Variants in DLGAP3 observed in about 807,000 individuals in gnomAD.
The protein encoded by DLGAP3 is disks large-associated protein 3.
DLGAP3 carries 17 observed loss-of-function variants against 81.2 expected under a neutral mutation model. That is an observed-to-expected ratio of 0.21 (90% CI 0.14 to 0.31). The LOEUF is 0.31. Among genes scored for constraint, DLGAP3 ranks in the 10% least tolerant of loss-of-function variants. The probability of loss-of-function intolerance (pLI) is 1.00; values close to 1 mark genes in which losing one functional copy is unlikely to be tolerated. For missense variants in DLGAP3, 1,124 were observed against 1,388.0 expected (o/e 0.81, Z 3.02); for synonymous variants, 577 against 587.4 (o/e 0.98, Z 0.26).
At chr1:34,875,175 T>C (rs1346746894) in intron 8 of DLGAP3, among the ~76,000 whole-genome samples, 4 of 152,150 alleles carry the variant, frequency 2.6e-5, no homozygotes, top group Admixed American at 2.6e-4. Context: ...GAAGCTTCTT[T>C]CCCAGGCCTC....
intron 5 of DLGAP3, among the ~76,000 whole-genome samples, chr1:34,887,570 G>T (rs937012886): frequency 2.6e-5 from 4 of 152,154 alleles, no homozygotes; most frequent in African/African-American, 7.2e-5. Flanking sequence ...GGCAGGAAAA[G>T]GTGCTACCCG....
intron 1 of DLGAP3, among the ~76,000 whole-genome samples, chr1:34,911,661 C>T (rs1306665276): frequency 6.6e-6 from 1 of 152,138 alleles, no homozygotes; most frequent in African/African-American, 2.4e-5. Flanking sequence ...GATGCCGTCA[C>T]CAAGAAATTA....
intron 1 of DLGAP3, among the ~76,000 whole-genome samples, chr1:34,924,041 C>T (rs1207055158): frequency 6.6e-6 from 1 of 152,142 alleles, no homozygotes; most frequent in African/African-American, 2.4e-5. Flanking sequence ...TGTTCCCCTA[C>T]AGACTCATCT....
chr1:34,899,598 A>G, intron 5 of DLGAP3, 71 bp downstream of exon 5: 1 of 1,341,712 alleles, frequency 7.5e-7, no homozygotes, highest in South Asian at 1.2e-5. Context: ...TCTGATTTTA[A>G]GTCCTAAGCT....
chr1:34,916,918 C>G (rs1450173108), intron 1 of DLGAP3, among the ~76,000 whole-genome samples: 1 of 152,124 alleles, frequency 6.6e-6, no homozygotes, highest in East Asian at 1.9e-4. Context: ...TGGATGGTCT[C>G]GGTCTCCCTG....
intron 1 of DLGAP3, among the ~76,000 whole-genome samples, chr1:34,928,347 T>A (rs1557512531): frequency 1.3e-5 from 2 of 151,996 alleles, no homozygotes. Context: ...ATTATTGAGA[T>A]GACACAAGTT....
intron 8 of DLGAP3, among the ~76,000 whole-genome samples, chr1:34,875,651 G>C (rs2148396184): frequency 6.6e-6 from 1 of 152,324 alleles, no homozygotes; most frequent in East Asian, 1.9e-4. Flanking sequence ...TATGACTTCA[G>C]AGGGCCCCTT....
chr1:34,884,082 C>A (rs1569613892), intron 8 of DLGAP3, among the ~76,000 whole-genome samples: 1 of 152,022 alleles, frequency 6.6e-6, no homozygotes, highest in African/African-American at 2.4e-5. Context: ...CCATGCTCAG[C>A]TAATTTTTGT....
intron 1 of DLGAP3, among the ~76,000 whole-genome samples, chr1:34,928,815 C>A (rs1639911942): frequency 6.6e-6 from 1 of 152,032 alleles, no homozygotes; most frequent in African/African-American, 2.4e-5. Flanking sequence ...CATCCATTCA[C>A]ACACTCACAG....
chr1:34,872,613 A>G (rs754280563), intron 8 of DLGAP3, among the ~76,000 whole-genome samples: 1 of 152,242 alleles, frequency 6.6e-6, no homozygotes, highest in East Asian at 1.9e-4. Context: ...AGTTAAGGAT[A>G]CTAAGAAGAG....
chr1:34,904,955 T>C lies in DLGAP3; in HGVS notation c.429A>G (p.Arg143=), dbSNP rs751733477. The C allele has an allele frequency of 6.2e-7, 1 of 1,613,092 alleles. No homozygotes were observed. Among genetic ancestry groups the C allele is most frequent in the South Asian group, 1.1e-5 (1 of 91,046 alleles). Residue 143 remains arginine (R), a synonymous_variant, in exon 3 of 12, where the codon CGA becomes CGG. Transcript: ENST00000373347. This position sits in a 1 kb window ranked among gnomAD's most constrained non-coding sequence, Gnocchi z 8.1. ...QDGFHTLPYQ[R]GPAGAGPGPA... The stretch of plus-strand genomic sequence containing the variant: ...GCCCGGGCCCTGCCCCTGCTGGCCC[T>C]CGCTGGTATGGTAGTGTGTGGAAGC...
intron 1 of DLGAP3, among the ~76,000 whole-genome samples, chr1:34,910,100 T>C (rs1444256092): frequency 1.3e-5 from 2 of 152,206 alleles, no homozygotes; most frequent in African/African-American, 4.8e-5. Flanking sequence ...CTAGGGCCGC[T>C]ATCTTGCCAC....
At chr1:34,918,343 A>G (rs1383523102) in intron 1 of DLGAP3, among the ~76,000 whole-genome samples, 1 of 152,182 alleles carries the variant, frequency 6.6e-6, no homozygotes, top group Non-Finnish European at 1.5e-5. Flanking sequence ...GGACCCTTAC[A>G]GTGCCCAGGG....
intron 1 of DLGAP3, among the ~76,000 whole-genome samples, chr1:34,925,700 T>G (rs1308691837): frequency 6.6e-6 from 1 of 151,710 alleles, no homozygotes; most frequent in African/African-American, 2.4e-5. Context: ...GAACAGACAG[T>G]GAGGGGGGCA....
intron 8 of DLGAP3, among the ~76,000 whole-genome samples, chr1:34,876,386 GA>G (rs35026079): frequency 0.012 from 1,764 of 152,338 alleles, 25 homozygotes; most frequent in Admixed American, 0.019. Flanking sequence ...CCAAATTACA[GA>G]GAGAGAAACA....
rs543224494 is a variant in DLGAP3 at position 34,867,078 on chromosome 1, C to T, written c.2691G>A (p.Lys897=). Residue 897 remains lysine, a synonymous_variant, in exon 11 of 12, where the codon AAG becomes AAA. Coordinates refer to ENST00000373347, the MANE Select transcript of DLGAP3 (RefSeq NM_001080418.3). The surrounding 1 kb of genome is among the most constrained non-coding windows in gnomAD (Gnocchi z 4.3). The stretch of plus-strand genomic sequence containing the variant: ...GCTCCAGGAGTTTCCAGCTGTTGGC[C>T]TTGAGTTGCTGTAGCTCCAGGAACT... The part of the protein sequence containing the change: ...TLKFLELQQL[K]ANSWKLLEPK... 2 of 1,614,112 alleles carry T rather than the reference C, an allele frequency of 1.2e-6. No individual in the cohort carries two copies. Among genetic ancestry groups the T allele is most frequent in the African/African-American group, 1.3e-5 (1 of 75,034 alleles).
At chr1:34,912,770 C>T (rs1022397114) in intron 1 of DLGAP3, among the ~76,000 whole-genome samples, 3 of 152,214 alleles carry the variant, frequency 2.0e-5, no homozygotes, top group South Asian at 2.1e-4. Context: ...GATTGTGCCT[C>T]GGTTTCTCTG....
At chr1:34,894,831 AC>A (rs1416282741) in intron 5 of DLGAP3, among the ~76,000 whole-genome samples, 17 of 152,212 alleles carry the variant, frequency 1.1e-4, no homozygotes, top group Admixed American at 1.0e-3. Flanking sequence ...ATAAAAAGTA[AC>A]AATAATAATA....
intron 8 of DLGAP3, among the ~76,000 whole-genome samples, chr1:34,884,012 G>A (rs1639183120): frequency 6.6e-6 from 1 of 152,010 alleles, no homozygotes; most frequent in East Asian, 1.9e-4. Flanking sequence ...TCAGGCTCCT[G>A]GGTTCAACCA....
Sources: gnomAD v4.1 joint callset for allele counts (sites outside exome capture counted in the v4.1 genomes callset) on GRCh38, gnomAD v4.1.1 for gene constraint, Gnocchi (gnomAD v3.1) non-coding constraint, MANE v1.5 for transcripts, NCBI Gene and HGNC (gene_info 2026-07-23, HGNC 2026-07-21) for gene names.